SEMA5A: variants seen among roughly 807,000 people sequenced by gnomAD.
SEMA5A encodes the protein semaphorin 5A, also known as semaphorin-5A.
Under a neutral mutation model 135.5 loss-of-function variants are expected in SEMA5A, and 55 were observed. The observed-to-expected ratio is 0.41, with a 90% confidence interval of 0.33 to 0.51. The LOEUF is 0.51. SEMA5A is among the 20% of genes least tolerant of loss of function. The probability of loss-of-function intolerance (pLI) is 0.37; values close to 1 mark genes in which losing one functional copy is unlikely to be tolerated. For synonymous variants in SEMA5A, 580 were observed against 546.5 expected, an observed-to-expected ratio of 1.06 and a Z score of -0.85; for missense variants, 1,290 against 1,419.9, an observed-to-expected ratio of 0.91 and a Z score of 1.47.
intron 8 of SEMA5A, among the ~76,000 whole-genome samples, chr5:9,224,405 T>TAA (rs5865813): frequency 5.0e-4 from 75 of 150,440 alleles, no homozygotes; most frequent in Middle Eastern, 6.9e-3. Context: ...AACAACAATA[T>TAA]AAAAAAAAAC....
At chr5:9,189,376 T>C (rs1744973075) in intron 11 of SEMA5A, among the ~76,000 whole-genome samples, 4 of 144,112 alleles carry the variant, frequency 2.8e-5, no homozygotes, top group Admixed American at 2.1e-4. Flanking sequence ...AAAGATTCAG[T>C]AGATAGTAGC....
intron 1 of SEMA5A, among the ~76,000 whole-genome samples, chr5:9,529,314 G>T (rs886820432): frequency 4.6e-5 from 7 of 152,188 alleles, no homozygotes; most frequent in Non-Finnish European, 5.9e-5. Context: ...CTCCCCAGCT[G>T]CCAGGCTTCT....
chr5:9,373,077 T>C (rs1249218801), intron 3 of SEMA5A, among the ~76,000 whole-genome samples: 2 of 152,092 alleles, frequency 1.3e-5, no homozygotes, highest in East Asian at 3.9e-4. Context: ...CAGAAAGAGC[T>C]TCTTAGACTA....
chr5:9,341,461 C>A (rs985583971), intron 3 of SEMA5A, among the ~76,000 whole-genome samples: 26 of 151,742 alleles, frequency 1.7e-4, no homozygotes, highest in African/African-American at 5.3e-4. Context: ...AGAGGAAGTT[C>A]GGGGAGAGTG....
intron 16 of SEMA5A, among the ~76,000 whole-genome samples, chr5:9,069,176 T>G (rs147156148): frequency 1.4e-3 from 217 of 152,326 alleles, no homozygotes; most frequent in African/African-American, 5.1e-3. Flanking sequence ...ACAGACAATT[T>G]AAGCACAGAG....
chr5:9,372,101 G>A (rs1048485509), intron 3 of SEMA5A, among the ~76,000 whole-genome samples: 6 of 152,126 alleles, frequency 3.9e-5, no homozygotes, highest in African/African-American at 1.4e-4. Flanking sequence ...TGAACAGAGA[G>A]AAATACTGGA....
chr5:9,160,444 A>G (rs1743190900), intron 11 of SEMA5A, among the ~76,000 whole-genome samples: 1 of 152,302 alleles, frequency 6.6e-6, no homozygotes, highest in Non-Finnish European at 1.5e-5. Flanking sequence ...GATGAGTAGA[A>G]GTTATGTGTA....
At chr5:9,141,269 C>CA (rs1284960746) in intron 12 of SEMA5A, among the ~76,000 whole-genome samples, 44 of 152,206 alleles carry the variant, frequency 2.9e-4, no homozygotes, top group Middle Eastern at 6.8e-3. Flanking sequence ...ATTAATGCAG[C>CA]CATTGTGAAA....
chr5:9,230,045 C>G (rs1278842512), intron 6 of SEMA5A, among the ~76,000 whole-genome samples: 1 of 152,066 alleles, frequency 6.6e-6, no homozygotes, highest in Admixed American at 6.5e-5. Flanking sequence ...AGTGCAGTGG[C>G]ACAATCGTGG....
At chr5:9,061,951 T>C (rs183977020) in intron 18 of SEMA5A, among the ~76,000 whole-genome samples, 3 of 151,870 alleles carry the variant, frequency 2.0e-5, no homozygotes, top group African/African-American at 2.4e-5. Flanking sequence ...TGATGGTACA[T>C]GGAGGCCATG....
At chr5:9,265,422 C>G (rs1370751079) in intron 5 of SEMA5A, 2 of 456,144 alleles carry the variant, frequency 4.4e-6, no homozygotes, top group African/African-American at 4.0e-5. Context: ...ATGGAAACCA[C>G]AGGCATCCTA....
chr5:9,464,676 G>A (rs763042249), intron 1 of SEMA5A, among the ~76,000 whole-genome samples: 24 of 152,134 alleles, frequency 1.6e-4, no homozygotes, highest in African/African-American at 5.6e-4. Context: ...GCCATCTGCC[G>A]GCAGCAGCCC....
At chr5:9,500,673 ATATAAC>A (rs1323403791) in intron 1 of SEMA5A, among the ~76,000 whole-genome samples, 1 of 152,214 alleles carries the variant, frequency 6.6e-6, no homozygotes, top group Non-Finnish European at 1.5e-5. Context: ...TAACATCTTA[ATATAAC>A]TATATCACAT....
chr5:9,248,789 A>G (rs1452288799), intron 5 of SEMA5A, among the ~76,000 whole-genome samples: 1 of 152,152 alleles, frequency 6.6e-6, no homozygotes, highest in Non-Finnish European at 1.5e-5. Context: ...CGAAGCCAAA[A>G]GAGAAAAAGA....
At chr5:9,267,413 G>T (rs1462507401) in intron 5 of SEMA5A, among the ~76,000 whole-genome samples, 1 of 152,016 alleles carries the variant, frequency 6.6e-6, no homozygotes, top group Non-Finnish European at 1.5e-5. Flanking sequence ...TTTACTTTAG[G>T]AAGTTCTTCC....
At chr5:9,170,164 T>C (rs1743837829) in intron 11 of SEMA5A, among the ~76,000 whole-genome samples, 1 of 152,186 alleles carries the variant, frequency 6.6e-6, no homozygotes, top group Non-Finnish European at 1.5e-5. Flanking sequence ...GGCTTTCAAA[T>C]GCTTCAGTGT....
intron 5 of SEMA5A, among the ~76,000 whole-genome samples, chr5:9,299,370 T>C (rs780526283): frequency 5.3e-5 from 8 of 151,966 alleles, no homozygotes; most frequent in Non-Finnish European, 1.0e-4. Flanking sequence ...GCAAAAGAAA[T>C]AGCAAGTGGA....
chr5:9,514,816 T>G (rs945104486), intron 1 of SEMA5A, among the ~76,000 whole-genome samples: 5 of 152,170 alleles, frequency 3.3e-5, no homozygotes, highest in African/African-American at 1.2e-4. Context: ...AAAATATGCT[T>G]GCTAAGGTTC....
chr5:9,538,527 C>A (rs1255954172), intron 1 of SEMA5A, among the ~76,000 whole-genome samples: 1 of 152,158 alleles, frequency 6.6e-6, no homozygotes, highest in Non-Finnish European at 1.5e-5. Flanking sequence ...TCTAATGAGA[C>A]CACAAGATTC....
Sources: allele counts gnomAD v4.1 joint callset (sites outside exome capture counted in the v4.1 genomes callset), GRCh38; gene constraint gnomAD v4.1.1; transcripts MANE v1.5; gene names NCBI Gene and HGNC (gene_info 2026-07-23, HGNC 2026-07-21).